CA10: variants seen among roughly 807,000 people sequenced by gnomAD.
CA10 encodes carbonic anhydrase 10 (inactive).
A neutral mutation model predicts 44.2 loss-of-function variants in CA10; 14 were observed. That is an observed-to-expected ratio of 0.32 (90% CI 0.21 to 0.50). CA10 has a LOEUF of 0.50. Among genes scored for constraint, CA10 ranks in the 20% least tolerant of loss-of-function variants. The probability of loss-of-function intolerance (pLI) is 0.99; values close to 1 mark genes in which losing one functional copy is unlikely to be tolerated. For synonymous variants in CA10, 159 were observed against 141.6 expected (o/e 1.12, Z -0.87); for missense variants, 350 against 409.7 (o/e 0.85, Z 1.26).
At chr17:52,026,498 G>C (rs180709676) in intron 2 of CA10, among the ~76,000 whole-genome samples, 1 of 152,220 alleles carries the variant, frequency 6.6e-6, no homozygotes, top group East Asian at 1.9e-4. Context: ...AACTGTATTG[G>C]TCTGTTCTCA....
At chr17:52,036,566 AT>A (rs1021702269) in intron 2 of CA10, among the ~76,000 whole-genome samples, 105 of 152,228 alleles carry the variant, frequency 6.9e-4, no homozygotes, top group African/African-American at 2.5e-3. Context: ...AGGGGAGGAA[AT>A]TCCAGGTAAA....
At chr17:51,719,579 T>C (rs1000244633) in intron 4 of CA10, among the ~76,000 whole-genome samples, 1 of 150,844 alleles carries the variant, frequency 6.6e-6, no homozygotes, top group East Asian at 2.0e-4. Context: ...CAGTCTTATG[T>C]TGGGGTGATT....
chr17:51,769,837 T>C (rs76498743), intron 3 of CA10, among the ~76,000 whole-genome samples: 2 of 152,218 alleles, frequency 1.3e-5, no homozygotes, highest in Admixed American at 1.3e-4. Flanking sequence ...TGGTTGATGA[T>C]GGGAGGGCAG....
At chr17:51,730,153 A>G (rs1335183075) in intron 4 of CA10, among the ~76,000 whole-genome samples, 3 of 152,206 alleles carry the variant, frequency 2.0e-5, no homozygotes, top group East Asian at 3.8e-4. Context: ...GACTGTAAAT[A>G]TCTCCTTACT....
chr17:51,864,253 A>ATT (rs145361970), intron 3 of CA10, among the ~76,000 whole-genome samples: 1 of 151,728 alleles, frequency 6.6e-6, no homozygotes, highest in African/African-American at 2.4e-5. Context: ...AGGAAAGCCA[A>ATT]TTTTTTTTTA....
chr17:51,857,947 T>C (rs1363612647), intron 3 of CA10, among the ~76,000 whole-genome samples: 4 of 152,174 alleles, frequency 2.6e-5, no homozygotes, highest in African/African-American at 9.6e-5. Flanking sequence ...TAGCCTCAGT[T>C]GTTCAATCTT....
intron 3 of CA10, among the ~76,000 whole-genome samples, chr17:51,785,402 A>G (rs1189527791): frequency 6.6e-6 from 1 of 152,274 alleles, no homozygotes; most frequent in Non-Finnish European, 1.5e-5. Context: ...AATAGTAAAT[A>G]GAAATATAAA....
chr17:51,862,425 CT>C (rs377626191), intron 3 of CA10, among the ~76,000 whole-genome samples: 5,375 of 144,490 alleles, frequency 0.037, 104 homozygotes, highest in Non-Finnish European at 0.049. Flanking sequence ...TAACTGGAGT[CT>C]TTTTTTTTTT....
intron 8 of CA10, among the ~76,000 whole-genome samples, chr17:51,632,365 T>G (rs1417989542): frequency 2.6e-5 from 4 of 152,174 alleles, no homozygotes; most frequent in Admixed American, 6.5e-5. Flanking sequence ...ACTTTTCTGG[T>G]AGTTCCGGCT....
chr17:51,665,175 C>T lies in CA10; in HGVS notation c.466-11439G>A, dbSNP rs919226558. The stretch of plus-strand genomic sequence containing the variant: ...TGCGCAGCGATTTGGATAAACTGTT[C>T]ACAAAACTAGGCTTGGTTTTGTACA... On this transcript the variant is annotated intron_variant, in intron 4 of 8. Coordinates refer to ENST00000451037, the MANE Select transcript of CA10 (RefSeq NM_020178.5). Among the ~76,000 whole-genome samples, 4 of 152,276 alleles carry T rather than the reference C, an allele frequency of 2.6e-5. No individual in the cohort carries two copies. In the East Asian group the frequency reaches 7.7e-4, roughly 29 times the overall value.
chr17:51,972,927 G>A (rs1188755333), intron 2 of CA10, among the ~76,000 whole-genome samples: 2 of 152,108 alleles, frequency 1.3e-5, no homozygotes, highest in Non-Finnish European at 2.9e-5. Context: ...GGAATCACAA[G>A]GACAGAATTT....
At chr17:51,994,494 A>G (rs1470154173) in intron 2 of CA10, among the ~76,000 whole-genome samples, 1 of 151,974 alleles carries the variant, frequency 6.6e-6, no homozygotes, top group Non-Finnish European at 1.5e-5. Context: ...GTCCTGAGAG[A>G]CAGTATGAAA....
intron 3 of CA10, among the ~76,000 whole-genome samples, chr17:51,789,000 A>G (rs1463492694): frequency 1.3e-5 from 2 of 152,262 alleles, no homozygotes; most frequent in Admixed American, 1.3e-4. Context: ...TTTAATTTTC[A>G]ATTACAGTTT....
intron 4 of CA10, among the ~76,000 whole-genome samples, chr17:51,670,966 C>T (rs1777458663): frequency 6.6e-6 from 1 of 152,192 alleles, no homozygotes; most frequent in Admixed American, 6.5e-5. Context: ...TGCTCTGGGA[C>T]TTGGGATTGT....
chr17:51,683,205 A>C (rs1780485884), intron 4 of CA10, among the ~76,000 whole-genome samples: 2 of 152,224 alleles, frequency 1.3e-5, no homozygotes, highest in Non-Finnish European at 2.9e-5. Flanking sequence ...AGGTCCAATT[A>C]AGACACAGAC....
chr17:51,957,431 ACTT>A (rs1351639784), intron 2 of CA10, among the ~76,000 whole-genome samples: 2 of 151,640 alleles, frequency 1.3e-5, no homozygotes, highest in Non-Finnish European at 2.9e-5. Context: ...ATATATGAAA[ACTT>A]TTTTTTTTTT....
At chr17:52,072,500 C>G in intron 1 of CA10, 107 bp from the exon 2 acceptor site, 6 of 739,108 alleles carry the variant, frequency 8.1e-6, no homozygotes, top group Non-Finnish European at 1.4e-5. Context: ...CTTTTCTACC[C>G]CAAAGTCATA....
chr17:51,942,447 G>C lies in CA10; in HGVS notation c.137-11315C>G, dbSNP rs186707004. On this transcript the variant is annotated intron_variant, in intron 2 of 8. Coordinates refer to ENST00000451037, the MANE Select transcript of CA10 (RefSeq NM_020178.5). ...TTTTGCTTCTATGATATAGTGTCTT[G>C]ACCAACACATTTCACTTGTCCTCTT... is the stretch of plus-strand genomic sequence containing the variant. 2.1e-3 allele frequency among the ~76,000 whole-genome samples: 323 copies of C among 151,620 alleles called. 2 individuals carry two copies. The highest frequency in any genetic ancestry group is 0.01 in the Middle Eastern group (3 of 294).
At chr17:51,997,088 C>T (rs1985263349) in intron 2 of CA10, among the ~76,000 whole-genome samples, 1 of 152,086 alleles carries the variant, frequency 6.6e-6, no homozygotes, top group South Asian at 2.1e-4. Flanking sequence ...ACCTGCTCAG[C>T]CTTTAAGTTT....
Sources: allele counts gnomAD v4.1 joint callset (sites outside exome capture counted in the v4.1 genomes callset), GRCh38; gene constraint gnomAD v4.1.1; transcripts MANE v1.5; gene names NCBI Gene and HGNC (gene_info 2026-07-23, HGNC 2026-07-21).